Variants in KCNK9 observed in about 807,000 individuals in gnomAD.
The protein encoded by KCNK9 is potassium two pore domain channel subfamily K member 9.
A neutral mutation model predicts 10.8 loss-of-function variants in KCNK9; 1 was observed. That is an observed-to-expected ratio of 0.09 (90% CI 0.03 to 0.44). The LOEUF (loss-of-function observed/expected upper bound fraction) is 0.44, where lower values mean the gene tolerates loss of function less well. KCNK9 is among the 20% of genes least tolerant of loss of function. KCNK9 has a pLI of 0.97. For missense variants in KCNK9, 303 were observed against 515.0 expected (o/e 0.59, Z 3.98); for synonymous variants, 231 against 222.7 (o/e 1.04, Z -0.33).
At chr8:139,668,927 C>T (rs746673911) in intron 1 of KCNK9, among the ~76,000 whole-genome samples, 5 of 152,124 alleles carry the variant, frequency 3.3e-5, no homozygotes, top group Non-Finnish European at 5.9e-5. Flanking sequence ...CTCCATACCT[C>T]GGAGACAATG....
chr8:139,651,352 A>G (rs1338102203), intron 1 of KCNK9, among the ~76,000 whole-genome samples: 1 of 152,080 alleles, frequency 6.6e-6, no homozygotes, highest in Non-Finnish European at 1.5e-5. Flanking sequence ...GCTGACCACA[A>G]TCCCACCTCC....
At chr8:139,619,157 G>A in intron 1 of KCNK9, 58 bp from the exon 2 acceptor site, 7 of 1,597,262 alleles carry the variant, frequency 4.4e-6, no homozygotes, top group Non-Finnish European at 6.0e-6. Context: ...CTAGAGGTTG[G>A]GGGAAGGGAG....
At chr8:139,638,772 C>T (rs1342799257) in intron 1 of KCNK9, among the ~76,000 whole-genome samples, 1 of 152,206 alleles carries the variant, frequency 6.6e-6, no homozygotes, top group African/African-American at 2.4e-5. Flanking sequence ...TCAGCACCCG[C>T]TGTGGGATGG....
chr8:139,636,628 A>G (rs1484801138), intron 1 of KCNK9, among the ~76,000 whole-genome samples: 1 of 152,226 alleles, frequency 6.6e-6, no homozygotes, highest in Non-Finnish European at 1.5e-5. Context: ...ACCCCCAGGA[A>G]CTCAACTCTT....
intron 1 of KCNK9, among the ~76,000 whole-genome samples, chr8:139,694,127 G>A (rs1039323408): frequency 2.0e-5 from 3 of 152,112 alleles, no homozygotes; most frequent in African/African-American, 7.2e-5. Context: ...GCTAAGATTG[G>A]GGCCATGAGA....
chr8:139,655,117 C>G (rs564791391), intron 1 of KCNK9, among the ~76,000 whole-genome samples: 2 of 152,226 alleles, frequency 1.3e-5, no homozygotes, highest in African/African-American at 4.8e-5. Flanking sequence ...TCCTCGCCCC[C>G]ACTCCCCTCC....
chr8:139,669,157 G>A (rs1292463376), intron 1 of KCNK9, among the ~76,000 whole-genome samples: 2 of 152,044 alleles, frequency 1.3e-5, no homozygotes, highest in Non-Finnish European at 2.9e-5. Flanking sequence ...CCTTGAGCAA[G>A]TTATAATTCT....
At chr8:139,687,572 A>G (rs1816836876) in intron 1 of KCNK9, among the ~76,000 whole-genome samples, 1 of 103,848 alleles carries the variant, frequency 9.6e-6, no homozygotes, top group Non-Finnish European at 2.0e-5. Flanking sequence ...ACATATATTC[A>G]TATATATGTA....
chr8:139,606,796 GGATATACTT>G (rs1452937211), intron 2 of KCNK9, among the ~76,000 whole-genome samples: 1 of 152,130 alleles, frequency 6.6e-6, no homozygotes, highest in East Asian at 1.9e-4. Flanking sequence ...CAATGTTTTT[GGATATACTT>G]GATATCTTCA....
intron 1 of KCNK9, among the ~76,000 whole-genome samples, chr8:139,633,609 C>T (rs919520248): frequency 2.6e-5 from 4 of 152,194 alleles, no homozygotes; most frequent in Non-Finnish European, 4.4e-5. Context: ...CATGTACATA[C>T]GCAGCCCAGA....
At position 139,617,264 on chromosome 8, in the gene KCNK9, C is replaced by T. The variant is rs1050639614; in HGVS notation, c.*994G>A. Among the ~76,000 whole-genome samples the T allele has an allele frequency of 7.2e-5, 11 of 152,172 alleles. No homozygotes were observed. The highest frequency in any genetic ancestry group is 7.2e-4 in the Admixed American group (11 of 15,280). ...TTATTTATGCAGGGTAGGTGCTGCA[C>T]AAAATCATCAATAAGAGGGAAATAG... On this transcript the variant is annotated 3_prime_UTR_variant, in exon 2 of 2. Transcript: ENST00000520439.
chr8:139,658,534 C>G (rs893356475), intron 1 of KCNK9, among the ~76,000 whole-genome samples: 1 of 152,210 alleles, frequency 6.6e-6, no homozygotes, highest in African/African-American at 2.4e-5. Flanking sequence ...TCCGCAGCTC[C>G]CCCTCAATCC....
intron 1 of KCNK9, among the ~76,000 whole-genome samples, chr8:139,681,606 C>A (rs1816689711): frequency 1.3e-5 from 2 of 152,218 alleles, no homozygotes; most frequent in Non-Finnish European, 2.9e-5. Context: ...TAGGAGGTCA[C>A]CCTGTGCTGA....
chr8:139,656,048 C>A (rs1418145619), intron 1 of KCNK9, among the ~76,000 whole-genome samples: 1 of 152,190 alleles, frequency 6.6e-6, no homozygotes, highest in Non-Finnish European at 1.5e-5. Context: ...AGCCATGAAG[C>A]TCCGGGACAT....
At position 139,617,372 on chromosome 8, in the gene KCNK9, A is replaced by G. The variant is rs1001809511; in HGVS notation, c.*886T>C. On this transcript the variant is annotated 3_prime_UTR_variant, in exon 2 of 2. Coordinates refer to ENST00000520439, the MANE Select transcript of KCNK9 (RefSeq NM_001282534.2). ...AATTGTTGGAACTGGAGGTGACAAA[A>G]TTAAAAATGTCTTTTATAAGTTAAT... 3.3e-5 allele frequency among the ~76,000 whole-genome samples: 5 copies of G among 152,174 alleles called. No homozygotes were observed. The highest frequency in any genetic ancestry group is 1.2e-4 in the African/African-American group (5 of 41,442).
intron 1 of KCNK9, among the ~76,000 whole-genome samples, chr8:139,642,418 T>A (rs1815531199): frequency 6.6e-6 from 1 of 152,100 alleles, no homozygotes; most frequent in African/African-American, 2.4e-5. Context: ...ACAAAAACAA[T>A]CCACAATTTT....
chr8:139,641,636 C>A (rs1016784850), intron 1 of KCNK9, among the ~76,000 whole-genome samples: 5 of 152,276 alleles, frequency 3.3e-5, no homozygotes, highest in Non-Finnish European at 5.9e-5. Context: ...GCCTGCCCCC[C>A]CCCCGCACTT....
At chr8:139,689,501 T>C (rs941172480) in intron 1 of KCNK9, among the ~76,000 whole-genome samples, 4 of 152,158 alleles carry the variant, frequency 2.6e-5, no homozygotes, top group Non-Finnish European at 5.9e-5. Flanking sequence ...GTGGGCAGGA[T>C]GTATTTCCCA....
chr8:139,608,069 A>C (rs1330561745), downstream of KCNK9, among the ~76,000 whole-genome samples: 2 of 152,202 alleles, frequency 1.3e-5, no homozygotes, highest in Non-Finnish European at 2.9e-5. Flanking sequence ...TCATGGCTGA[A>C]GCTTACAAGA....
Sources: allele counts gnomAD v4.1 joint callset (sites outside exome capture counted in the v4.1 genomes callset), GRCh38; gene constraint gnomAD v4.1.1; transcripts MANE v1.5; gene names NCBI Gene and HGNC (gene_info 2026-07-23, HGNC 2026-07-21).